MFSD6: variants seen among roughly 807,000 people sequenced by gnomAD.
The protein encoded by MFSD6 is major facilitator superfamily domain-containing protein 6.
A neutral mutation model predicts 56.3 loss-of-function variants in MFSD6; 26 were observed. The observed-to-expected ratio is 0.46, with a 90% CI of 0.34 to 0.64. MFSD6 has a LOEUF of 0.64. Among genes scored for constraint, MFSD6 ranks in the 30% least tolerant of loss-of-function variants. The probability of loss-of-function intolerance (pLI) is 0.01; values close to 1 mark genes in which losing one functional copy is unlikely to be tolerated. For missense variants in MFSD6, 750 were observed against 986.2 expected (o/e 0.76, Z 3.21); for synonymous variants, 331 against 366.9 (o/e 0.90, Z 1.12).
rs1686455502 is a variant in MFSD6, at chr2:190,443,390, T to TA, written c.1532+5833dup. Among the ~76,000 whole-genome samples, 1 of 152,196 alleles carries TA rather than the reference T, an allele frequency of 6.6e-6. No individual in the cohort carries two copies. The highest frequency in any genetic ancestry group is 2.1e-4 in the South Asian group (1 of 4,832). On this transcript the variant is annotated intron_variant, in intron 3 of 7. Coordinates refer to ENST00000392328, the MANE Select transcript of MFSD6 (RefSeq NM_017694.4). The surrounding 1 kb of genome is among the most constrained non-coding windows in gnomAD (Gnocchi z 4.2). Reference sequence around the variant, plus strand: ...GGTTTTTTATGAAGACTAGATGAGATAAAACATGGCAATTGCTTCAACAAT... The same window carrying TA: ...GGTTTTTTATGAAGACTAGATGAGATAAAAACATGGCAATTGCTTCAACAAT...
chr2:190,435,474 A>C (rs1411435469), intron 2 of MFSD6: 1 of 153,552 alleles, frequency 6.5e-6, no homozygotes, highest in African/African-American at 2.4e-5. Flanking sequence ...CTATAGTTGC[A>C]ACAATGCCAT....
rs1689721804 is a variant in MFSD6, at chr2:190,496,835, TCA to T, written c.1892-602_1892-601del. Among the ~76,000 whole-genome samples, 1 of 152,166 alleles carries T rather than the reference TCA, an allele frequency of 6.6e-6. No individual in the cohort carries two copies. The highest frequency in any genetic ancestry group is 6.5e-5 in the Admixed American group (1 of 15,274). ...ATGGAAAACCAAACATCGTATATTC[TCA>T]CTCATAAGTGGGAGCTAGGCTATGA... On this transcript the variant is annotated intron_variant, in intron 6 of 7. Transcript: ENST00000392328. The surrounding 1 kb of genome is among the most constrained non-coding windows in gnomAD (Gnocchi z 4.7).
rs1310598967 is a variant in MFSD6 at position 190,490,227 on chromosome 2, G to A, written c.1891+361G>A. On this transcript the variant is annotated intron_variant, in intron 6 of 7. Coordinates refer to ENST00000392328, the MANE Select transcript of MFSD6 (RefSeq NM_017694.4). This position sits in a 1 kb window ranked among gnomAD's most constrained non-coding sequence, Gnocchi z 4.5. ...CATTTTGCTACTAGGGATAGGGAGT[G>A]AGTGGTAATCTTCTCTATGACTTAC... Among the ~76,000 whole-genome samples the A allele has an allele frequency of 6.6e-6, 1 of 151,534 alleles. No homozygotes were observed. Among genetic ancestry groups the A allele is most frequent in the Non-Finnish European group, 1.5e-5 (1 of 67,926 alleles).
In MFSD6 at chr2:190,492,969, A is replaced by T. The variant is rs936979703; in HGVS notation, c.1891+3103A>T. 1.3e-5 allele frequency among the ~76,000 whole-genome samples: 2 copies of T among 151,020 alleles called. No homozygotes were observed. The highest frequency in any genetic ancestry group is 4.9e-5 in the African/African-American group (2 of 40,944). Reference sequence around the variant, plus strand: ...GGACCTATAAAACAAAATACAATTAAAAAAAAAAGCAAGGTATATAGGCAA... The same window carrying T: ...GGACCTATAAAACAAAATACAATTATAAAAAAAAGCAAGGTATATAGGCAA... On this transcript the variant is annotated intron_variant, in intron 6 of 7. Transcript: ENST00000392328. The surrounding 1 kb of genome is among the most constrained non-coding windows in gnomAD (Gnocchi z 5.2).
rs1686608879 is a variant in MFSD6 at position 190,447,030 on chromosome 2, T to A, written c.1532+9469T>A. Among the ~76,000 whole-genome samples the A allele has an allele frequency of 6.6e-6, 1 of 151,900 alleles. No homozygotes were observed. The highest frequency in any genetic ancestry group is 6.6e-5 in the Admixed American group (1 of 15,250). On this transcript the variant is annotated intron_variant, in intron 3 of 7. Transcript: ENST00000392328. The surrounding 1 kb of genome is among the most constrained non-coding windows in gnomAD (Gnocchi z 4.5). ...TCCAGAGAGTTCATGTTTAGCACAA[T>A]CCTAAATGTTTCAGAGAAAACTAAA...
At position 190,454,792 on chromosome 2, in the gene MFSD6, G is replaced by A. The variant is rs1472891498; in HGVS notation, c.1533-14966G>A. Among the ~76,000 whole-genome samples, 1 of 152,094 alleles carries A rather than the reference G, an allele frequency of 6.6e-6. No homozygotes were observed. Among genetic ancestry groups the A allele is most frequent in the Non-Finnish European group, 1.5e-5 (1 of 68,022 alleles). ...AGGAGAGCCTGAGGCAGGTATAGAG[G>A]GATGGGATCCCCAAAGATTCTAAGA... On this transcript the variant is annotated intron_variant, in intron 3 of 7. Transcript: ENST00000392328. This position sits in a 1 kb window ranked among gnomAD's most constrained non-coding sequence, Gnocchi z 4.6.
chr2:190,442,335 G>A (rs892663308), intron 3 of MFSD6, among the ~76,000 whole-genome samples: 18 of 152,122 alleles, frequency 1.2e-4, no homozygotes, highest in African/African-American at 4.1e-4. Flanking sequence ...AATACTAAAG[G>A]GAAGCGTGTT....
In MFSD6 at chr2:190,492,344, A is replaced by G. The variant is rs1318012267; in HGVS notation, c.1891+2478A>G. Reference sequence around the variant, plus strand: ...GAGATCATTGCCTAGGCACATTGTCATCAGGCTATCTAAAGTCAAGAGGAA... The same window carrying G: ...GAGATCATTGCCTAGGCACATTGTCGTCAGGCTATCTAAAGTCAAGAGGAA... On this transcript the variant is annotated intron_variant, in intron 6 of 7. Coordinates refer to ENST00000392328, the MANE Select transcript of MFSD6 (RefSeq NM_017694.4). The surrounding 1 kb of genome is among the most constrained non-coding windows in gnomAD (Gnocchi z 5.2). Among the ~76,000 whole-genome samples the G allele has an allele frequency of 6.6e-6, 1 of 152,248 alleles. No individual in the cohort carries two copies. The highest frequency in any genetic ancestry group is 1.9e-4 in the East Asian group (1 of 5,200).
chr2:190,475,287 A>T (rs1688228940), intron 4 of MFSD6, among the ~76,000 whole-genome samples: 1 of 152,244 alleles, frequency 6.6e-6, no homozygotes, highest in South Asian at 2.1e-4. Flanking sequence ...CCCTGTTTGC[A>T]GATGACATGA....
rs967630125 is a variant in MFSD6, at chr2:190,459,890, T to G, written c.1533-9868T>G. On this transcript the variant is annotated intron_variant, in intron 3 of 7. Coordinates refer to ENST00000392328, the MANE Select transcript of MFSD6 (RefSeq NM_017694.4). The surrounding 1 kb of genome is among the most constrained non-coding windows in gnomAD (Gnocchi z 5.3). ...GCTGCAGAAAATATACACAGCTAAA[T>G]ATTATTTCTAATTCACTCTCTGACA... is the stretch of plus-strand genomic sequence containing the variant. 6.6e-6 allele frequency among the ~76,000 whole-genome samples: 1 copy of G among 152,238 alleles called. No homozygotes were observed. Among genetic ancestry groups the G allele is most frequent in the Admixed American group, 6.5e-5 (1 of 15,280 alleles).
Position 190,410,859 on chromosome 2 carries a change from C to A in MFSD6, c.-176+2356C>A, listed in dbSNP as rs1690530870. On this transcript the variant is annotated intron_variant, in intron 1 of 7. Transcript: ENST00000392328. The surrounding 1 kb of genome is among the most constrained non-coding windows in gnomAD (Gnocchi z 4.4). ...GATCACGAAGTCAGGAGTTCAAGACCAGCCTGGCCAAGATGGTGAAATCCC... is the reference window on the plus strand; with the variant it reads ...GATCACGAAGTCAGGAGTTCAAGACAAGCCTGGCCAAGATGGTGAAATCCC... 6.6e-6 allele frequency among the ~76,000 whole-genome samples: 1 copy of A among 152,000 alleles called. No individual in the cohort carries two copies. Among genetic ancestry groups the A allele is most frequent in the Non-Finnish European group, 1.5e-5 (1 of 68,008 alleles).
At chr2:190,460,608 T>G (rs1012590680) in intron 3 of MFSD6, among the ~76,000 whole-genome samples, 1 of 152,250 alleles carries the variant, frequency 6.6e-6, no homozygotes, top group African/African-American at 2.4e-5. Context: ...GTCCTCACCC[T>G]GCATGCAGAA....
Position 190,437,490 on chromosome 2 carries a change from C to T in MFSD6, c.1461C>T (p.Val487=). ...GTTTLFGVCS[V]LSHVSELTAY... ...CAACCCTCTTTGGGGTCTGTTCAGT[C>T]CTGAGTCATGTGTCTGAGCTGACAG... The change falls in exon 3 of 8, where the codon GTC becomes GTT. Residue 487 remains valine, a synonymous_variant. Transcript: ENST00000392328. This position sits in a 1 kb window ranked among gnomAD's most constrained non-coding sequence, Gnocchi z 5.9. The T allele has an allele frequency of 1.2e-6, 2 of 1,614,216 alleles. No homozygotes were observed. Among genetic ancestry groups the T allele is most frequent in the Non-Finnish European group, 1.7e-6 (2 of 1,180,034 alleles).
At chr2:190,449,689 A>G (rs1686705682) in intron 3 of MFSD6, among the ~76,000 whole-genome samples, 1 of 152,178 alleles carries the variant, frequency 6.6e-6, no homozygotes, top group Admixed American at 6.5e-5. Flanking sequence ...CAGCCATAAA[A>G]AATGATGAGT....
At position 190,463,700 on chromosome 2, in the gene MFSD6, G is replaced by C. The variant is rs1233650592; in HGVS notation, c.1533-6058G>C. Reference sequence around the variant, plus strand: ...CTTGGCGTGATGGTGCACACCTGTAGTCCCAGCTACTTGGGGGGCTGAGGT... The same window carrying C: ...CTTGGCGTGATGGTGCACACCTGTACTCCCAGCTACTTGGGGGGCTGAGGT... On this transcript the variant is annotated intron_variant, in intron 3 of 7. Coordinates refer to ENST00000392328, the MANE Select transcript of MFSD6 (RefSeq NM_017694.4). This position sits in a 1 kb window ranked among gnomAD's most constrained non-coding sequence, Gnocchi z 4.4. 5.9e-6 allele frequency: 1 copy of C among 168,308 alleles called. No homozygotes were observed. Among genetic ancestry groups the C allele is most frequent in the Non-Finnish European group, 1.2e-5 (1 of 82,938 alleles). The allele number at this position is 168,308 out of a possible 1,614,324, so 10.4% of individuals were successfully genotyped here.
rs1255115989 is a variant in MFSD6, at chr2:190,456,833, TC to T, written c.1533-12924del. On this transcript the variant is annotated intron_variant, in intron 3 of 7. Coordinates refer to ENST00000392328, the MANE Select transcript of MFSD6 (RefSeq NM_017694.4). This position sits in a 1 kb window ranked among gnomAD's most constrained non-coding sequence, Gnocchi z 5.4. ...AGCAGAAATGATCTTTCAGCGCATT[TC>T]TTCTCATAACACAGAATTTTGCTTC... Among the ~76,000 whole-genome samples the T allele has an allele frequency of 1.3e-5, 2 of 152,198 alleles. No homozygotes were observed. The highest frequency in any genetic ancestry group is 2.4e-5 in the African/African-American group (1 of 41,456).
rs369254489 is a variant in MFSD6, at chr2:190,436,010, G to C, written c.-20G>C. On this transcript the variant is annotated 5_prime_UTR_variant, in exon 3 of 8. Transcript: ENST00000392328. This position sits in a 1 kb window ranked among gnomAD's most constrained non-coding sequence, Gnocchi z 5.3. ...TACAAATTCTGAAGTTTGTAAACTT[G>C]CTGATGGTGGTGGTAAGCCATGGCA... 1 of 1,587,352 alleles carries C rather than the reference G, an allele frequency of 6.3e-7. No homozygotes were observed. The highest frequency in any genetic ancestry group is 1.1e-5 in the South Asian group (1 of 87,600).
intron 2 of MFSD6, chr2:190,435,232 C>T (rs1417441273): frequency 2.0e-5 from 3 of 152,192 alleles, no homozygotes; most frequent in Non-Finnish European, 1.5e-5. Context: ...TCATTCTTCT[C>T]ATCTGTAAAA....
chr2:190,477,828 C>T (rs540496067), intron 4 of MFSD6, among the ~76,000 whole-genome samples: 1 of 152,212 alleles, frequency 6.6e-6, no homozygotes, highest in South Asian at 2.1e-4. Flanking sequence ...CTTTGTGAAG[C>T]AGGGAGTGGG....
Sources: allele counts gnomAD v4.1 joint callset (sites outside exome capture counted in the v4.1 genomes callset), GRCh38; gene constraint gnomAD v4.1.1; non-coding constraint Gnocchi (gnomAD v3.1); transcripts MANE v1.5; gene names NCBI Gene and HGNC (gene_info 2026-07-23, HGNC 2026-07-21).